Variants in ACOXL observed in about 807,000 individuals in gnomAD.
ACOXL encodes acyl-CoA oxidase like, also known as acyl-coenzyme A oxidase-like protein.
Under a neutral mutation model 71.9 loss-of-function variants are expected in ACOXL, and 70 were observed. The ratio of observed to expected loss-of-function variants is 0.97; its 90% CI spans 0.80 to 1.19. The LOEUF (loss-of-function observed/expected upper bound fraction) is 1.19, where lower values mean the gene tolerates loss of function less well. Ranked by LOEUF, ACOXL falls within the 50% of genes most tolerant of loss-of-function variation. The pLI, the probability that ACOXL is intolerant of heterozygous loss-of-function variation, is 0.00. For missense variants in ACOXL, 703 were observed against 736.3 expected (o/e 0.95, Z 0.52); for synonymous variants, 253 against 281.6 (o/e 0.90, Z 1.02).
intron 1 of ACOXL, among the ~76,000 whole-genome samples, chr2:110,753,207 T>C (rs935393392): frequency 2.6e-5 from 4 of 152,186 alleles, no homozygotes; most frequent in Admixed American, 2.6e-4. Flanking sequence ...TTTTGCCTTC[T>C]ACTTCTACCA....
intron 2 of ACOXL, among the ~76,000 whole-genome samples, chr2:110,770,029 T>C (rs1021771029): frequency 2.0e-5 from 3 of 151,710 alleles, no homozygotes; most frequent in African/African-American, 7.3e-5. Context: ...GCAACCGGAG[T>C]GAGACCCTGT....
chr2:110,987,319 T>G, intron 13 of ACOXL, 102 bp downstream of exon 13: 1 of 1,083,514 alleles, frequency 9.2e-7, no homozygotes. Context: ...AAATTTTTAG[T>G]GTTTGCTGTA....
chr2:110,932,489 T>C (rs2060512064), intron 11 of ACOXL, among the ~76,000 whole-genome samples: 1 of 152,232 alleles, frequency 6.6e-6, no homozygotes, highest in South Asian at 2.1e-4. Context: ...GATCTGTATC[T>C]ATATTTTATA....
chr2:110,930,026 G>A lies in ACOXL; in HGVS notation c.906-3463G>A, dbSNP rs114747000. Among the ~76,000 whole-genome samples the A allele has an allele frequency of 2.0e-3, 298 of 152,358 alleles. 3 individuals carry two copies. Among genetic ancestry groups the A allele is most frequent in the African/African-American group, 7.0e-3 (292 of 41,582 alleles). On this transcript the variant is annotated intron_variant, in intron 11 of 17. Transcript: ENST00000439055. ...AATGTGGGGTTGAAGCCCCTACACA[G>A]AGTCCCCATCGGGGTACTGCCTAGT... is the stretch of plus-strand genomic sequence containing the variant.
intron 1 of ACOXL, among the ~76,000 whole-genome samples, chr2:110,747,208 GT>G (rs891974494): frequency 1.3e-5 from 2 of 152,304 alleles, no homozygotes; most frequent in African/African-American, 4.8e-5. Context: ...GTCATTAAAA[GT>G]CTCACTTTGG....
intron 10 of ACOXL, among the ~76,000 whole-genome samples, chr2:110,857,533 G>T (rs537493247): frequency 6.6e-6 from 1 of 152,080 alleles, no homozygotes; most frequent in Non-Finnish European, 1.5e-5. Flanking sequence ...CTTGCTACAC[G>T]TTTAAAAAAT....
At chr2:110,740,881 TCA>T (rs996110125) in intron 1 of ACOXL, among the ~76,000 whole-genome samples, 2 of 152,204 alleles carry the variant, frequency 1.3e-5, no homozygotes, top group Non-Finnish European at 2.9e-5. Context: ...TGGGGATTTT[TCA>T]CAGTGACAAC....
chr2:111,091,144 G>T (rs1465166968), intron 16 of ACOXL, among the ~76,000 whole-genome samples: 1 of 152,088 alleles, frequency 6.6e-6, no homozygotes, highest in Non-Finnish European at 1.5e-5. Flanking sequence ...TGTTTACATA[G>T]CTTTTTCTTC....
rs558734125 is a variant in ACOXL at position 110,930,357 on chromosome 2, C to T, written c.906-3132C>T. Reference sequence around the variant, plus strand: ...TTTGGCCAATTTCTCCCATTTGGAACAGCTGTATTTACCCAATGCCTGTAC... The same window carrying T: ...TTTGGCCAATTTCTCCCATTTGGAATAGCTGTATTTACCCAATGCCTGTAC... On this transcript the variant is annotated intron_variant, in intron 11 of 17. Transcript: ENST00000439055. Among the ~76,000 whole-genome samples, 13 of 152,362 alleles carry T rather than the reference C, an allele frequency of 8.5e-5. No homozygotes were observed. The East Asian group carries it at 2.5e-3, about 29-fold the overall frequency.
intron 16 of ACOXL, among the ~76,000 whole-genome samples, chr2:111,081,231 C>A (rs1424021053): frequency 6.6e-6 from 1 of 152,266 alleles, no homozygotes; most frequent in East Asian, 1.9e-4. Context: ...AAGTCAAATT[C>A]TCTCTGTTTG....
chr2:110,858,628 C>G (rs1693564814), intron 10 of ACOXL, among the ~76,000 whole-genome samples: 1 of 152,222 alleles, frequency 6.6e-6, no homozygotes, highest in Admixed American at 6.5e-5. Flanking sequence ...GCAGGCTGAA[C>G]AGAGAGATGT....
intron 16 of ACOXL, among the ~76,000 whole-genome samples, chr2:111,079,460 G>C (rs947996331): frequency 6.6e-6 from 1 of 152,134 alleles, no homozygotes; most frequent in African/African-American, 2.4e-5. Context: ...AACTTTCTGG[G>C]GCTGCTTTCC....
intron 1 of ACOXL, among the ~76,000 whole-genome samples, chr2:110,735,123 GAAC>G (rs748487677): frequency 2.6e-5 from 4 of 152,168 alleles, no homozygotes; most frequent in East Asian, 1.9e-4. Flanking sequence ...GTAATGGCAT[GAAC>G]AACATTTCAT....
chr2:110,984,447 G>C (rs1319828780), intron 12 of ACOXL, among the ~76,000 whole-genome samples: 1 of 151,928 alleles, frequency 6.6e-6, no homozygotes, highest in Non-Finnish European at 1.5e-5. Context: ...CAAATCCCGT[G>C]GTAGCTGATG....
At position 110,896,990 on chromosome 2, in the gene ACOXL, C is replaced by T. The variant is rs576250422; in HGVS notation, c.789-11799C>T. 1.2e-3 allele frequency among the ~76,000 whole-genome samples: 188 copies of T among 151,874 alleles called. 1 individual carries two copies. Among genetic ancestry groups the T allele is most frequent in the Non-Finnish European group, 2.1e-3 (141 of 67,942 alleles). ...CCATATCTTATCCAGAAAAAAAAAACTGCAACAAATTTTTAAAAATTGAAG... is the reference window on the plus strand; with the variant it reads ...CCATATCTTATCCAGAAAAAAAAAATTGCAACAAATTTTTAAAAATTGAAG... On this transcript the variant is annotated intron_variant, in intron 10 of 17. Coordinates refer to ENST00000439055, the MANE Select transcript of ACOXL (RefSeq NM_001142807.4).
chr2:111,025,930 T>C (rs901753629), intron 14 of ACOXL, among the ~76,000 whole-genome samples: 1 of 152,242 alleles, frequency 6.6e-6, no homozygotes, highest in African/African-American at 2.4e-5. Context: ...CTTTTGTATA[T>C]GGTATGAAGT....
intron 17 of ACOXL, among the ~76,000 whole-genome samples, chr2:111,106,465 C>G (rs549700638): frequency 6.6e-6 from 1 of 151,914 alleles, no homozygotes; most frequent in East Asian, 1.9e-4. Context: ...CTCATTGAAA[C>G]AGTTTTATAA....
intron 9 of ACOXL, among the ~76,000 whole-genome samples, chr2:110,819,838 T>A (rs1234936421): frequency 1.3e-5 from 2 of 152,138 alleles, no homozygotes; most frequent in Admixed American, 1.3e-4. Flanking sequence ...GAGGATAGAA[T>A]GTGGGCTTTG....
intron 11 of ACOXL, among the ~76,000 whole-genome samples, chr2:110,913,648 C>T (rs1384692279): frequency 6.6e-6 from 1 of 152,168 alleles, no homozygotes; most frequent in East Asian, 1.9e-4. Context: ...GAAGAAATAC[C>T]TGAGGCTGGG....
Sources: gnomAD v4.1 joint callset for allele counts (sites outside exome capture counted in the v4.1 genomes callset) on GRCh38, gnomAD v4.1.1 for gene constraint, MANE v1.5 for transcripts, NCBI Gene and HGNC (gene_info 2026-07-23, HGNC 2026-07-21) for gene names.